The following HFM1 variants were observed in gnomAD, a reference collection of about 807,000 sequenced individuals.
The protein encoded by HFM1 is helicase for meiosis 1, also known as probable ATP-dependent DNA helicase HFM1.
A neutral mutation model predicts 192.1 loss-of-function variants in HFM1; 169 were observed. That is an observed-to-expected ratio of 0.88 (90% confidence interval 0.78 to 1.00). The LOEUF is 1.00. HFM1 is among the 50% of genes least tolerant of loss of function. HFM1 has a pLI of 0.00. For synonymous variants in HFM1, 525 were observed against 537.8 expected, an observed-to-expected ratio of 0.98 and a Z score of 0.33; for missense variants, 1,661 against 1,668.0, an observed-to-expected ratio of 1.00 and a Z score of 0.07.
At chr1:91,329,789 C>G (rs1653530515) in intron 20 of HFM1, among the ~76,000 whole-genome samples, 1 of 152,144 alleles carries the variant, frequency 6.6e-6, no homozygotes. Flanking sequence ...TCCATTGTTA[C>G]ATGAAAGTGA....
At chr1:91,385,866 T>C (rs1662141529) in intron 4 of HFM1, 32 bp from the exon 5 acceptor site, 1 of 1,563,968 alleles carries the variant, frequency 6.4e-7, no homozygotes, top group South Asian at 1.2e-5. Flanking sequence ...ACATATTTTC[T>C]CACGTGTAAC....
intron 30 of HFM1, among the ~76,000 whole-genome samples, chr1:91,290,964 C>T (rs138740300): frequency 2.6e-5 from 4 of 152,134 alleles, no homozygotes; most frequent in South Asian, 2.1e-4. Context: ...GGGTACATAA[C>T]GAAATGAAGG....
chr1:91,378,386 G>A lies in HFM1; in HGVS notation c.1236+17C>T. 1.3e-6 allele frequency: 2 copies of A among 1,550,770 alleles called. No homozygotes were observed. The highest frequency in any genetic ancestry group is 1.8e-6 in the Non-Finnish European group (2 of 1,127,808). Reference sequence around the variant, plus strand: ...TATCCTTTTATGTTTATCTCTGAAAGCGAATGCATTCATTACCTCATCAAT... The same window carrying A: ...TATCCTTTTATGTTTATCTCTGAAAACGAATGCATTCATTACCTCATCAAT... On this transcript the variant is annotated intron_variant, in intron 10 of 38. Coordinates refer to ENST00000370425, the MANE Select transcript of HFM1 (RefSeq NM_001017975.6).
At chr1:91,307,924 G>C (rs895479056) in intron 30 of HFM1, among the ~76,000 whole-genome samples, 5 of 151,990 alleles carry the variant, frequency 3.3e-5, no homozygotes, top group Non-Finnish European at 7.4e-5. Context: ...GTAGCATTTT[G>C]AATATGACAT....
intron 20 of HFM1, chr1:91,329,642 C>T: frequency 3.0e-6 from 2 of 673,268 alleles, no homozygotes; most frequent in South Asian, 2.1e-5. Flanking sequence ...CTAGCGTGAC[C>T]CTTTTCAGTA....
chr1:91,318,466 A>C (rs1651585328), intron 25 of HFM1, among the ~76,000 whole-genome samples: 1 of 152,214 alleles, frequency 6.6e-6, no homozygotes, highest in African/African-American at 2.4e-5. Flanking sequence ...TAGCTATCTA[A>C]GAAAGAATAG....
At chr1:91,298,218 CGAGAA>C (rs1157051015) in intron 30 of HFM1, among the ~76,000 whole-genome samples, 3 of 151,812 alleles carry the variant, frequency 2.0e-5, no homozygotes, top group Non-Finnish European at 4.4e-5. Flanking sequence ...TGAAATGAAG[CGAGAA>C]GAGAAGTTTA....
At position 91,286,903 on chromosome 1, in the gene HFM1, G is replaced by A. The variant is rs1041437256; in HGVS notation, c.3392-9841C>T. On this transcript the variant is annotated intron_variant, in intron 30 of 38. Coordinates refer to ENST00000370425, the MANE Select transcript of HFM1 (RefSeq NM_001017975.6). ...CTAGTCAAAGAAAGGGGTGACAGAC[G>A]GCACCTGGAAAATTGGGTCACTCCC... Among the ~76,000 whole-genome samples, 5 of 152,268 alleles carry A rather than the reference G, an allele frequency of 3.3e-5. No homozygotes were observed. In the East Asian group the frequency reaches 5.8e-4, roughly 18 times the overall value.
chr1:91,295,775 T>C (rs1647455809), intron 30 of HFM1, among the ~76,000 whole-genome samples: 2 of 152,200 alleles, frequency 1.3e-5, no homozygotes, highest in Non-Finnish European at 2.9e-5. Context: ...GAAAGTTTTG[T>C]GCCCTGTTTT....
chr1:91,384,537 T>C (rs1661938891), intron 6 of HFM1, among the ~76,000 whole-genome samples: 2 of 152,136 alleles, frequency 1.3e-5, no homozygotes, highest in East Asian at 1.9e-4. Context: ...TTCTCATCCA[T>C]TTCCCCTACC....
intron 30 of HFM1, among the ~76,000 whole-genome samples, chr1:91,295,627 G>T (rs1357621847): frequency 6.6e-6 from 1 of 152,088 alleles, no homozygotes; most frequent in African/African-American, 2.4e-5. Context: ...ACACAATTCA[G>T]CCCATAACAG....
At chr1:91,365,968 GA>G (rs11329587) in intron 13 of HFM1, among the ~76,000 whole-genome samples, 92,347 of 124,642 alleles carry the variant, frequency 0.74, 33,432 homozygotes, top group African/African-American at 0.89. Context: ...GTATGTTCCT[GA>G]AAAAAAAAAA....
At chr1:91,375,265 A>T in intron 13 of HFM1, 93 bp downstream of exon 13, 1 of 792,600 alleles carries the variant, frequency 1.3e-6, no homozygotes, top group East Asian at 2.5e-5. Context: ...ACTGAGGTTT[A>T]CCCCAAGGTT....
intron 20 of HFM1, among the ~76,000 whole-genome samples, chr1:91,331,692 T>G (rs1485053706): frequency 3.9e-5 from 6 of 152,180 alleles, no homozygotes; most frequent in African/African-American, 4.8e-5. Context: ...GGTCAGGAGT[T>G]TGAGACTAGC....
At chr1:91,290,507 T>C (rs1668620420) in intron 30 of HFM1, among the ~76,000 whole-genome samples, 1 of 152,196 alleles carries the variant, frequency 6.6e-6, no homozygotes, top group South Asian at 2.1e-4. Flanking sequence ...CTAACTATCC[T>C]AAATATATAT....
chr1:91,378,279 A>C lies in HFM1; in HGVS notation c.1237-96T>G, dbSNP rs183439113. The C allele has an allele frequency of 4.7e-6, 6 of 1,278,098 alleles. No homozygotes were observed. In the East Asian group the frequency reaches 1.5e-4, roughly 32 times the overall value. 79.2% of individuals were successfully genotyped at this position (1,278,098 alleles called of 1,614,324 possible). A position where few individuals can be genotyped will look rare whatever the true frequency, so the allele number is the denominator to read the frequency against. On this transcript the variant is annotated intron_variant, in intron 10 of 38. Transcript: ENST00000370425. ...ATAATATTAACATTCTTGCTTGAGA[A>C]AATGAGCATTTTCCACTTGAAGGGA... is the stretch of plus-strand genomic sequence containing the variant.
chr1:91,404,337 C>G (rs1238756733), intron 1 of HFM1, among the ~76,000 whole-genome samples: 1 of 152,220 alleles, frequency 6.6e-6, no homozygotes, highest in Non-Finnish European at 1.5e-5. Flanking sequence ...GGCACAAGAA[C>G]GGGGCGCTGG....
At chr1:91,377,150 G>A (rs979497563) in intron 11 of HFM1, among the ~76,000 whole-genome samples, 4 of 151,720 alleles carry the variant, frequency 2.6e-5, no homozygotes, top group Non-Finnish European at 5.9e-5. Context: ...AAAAAAGTAT[G>A]TACATTATGC....
chr1:91,320,889 A>G (rs1029678274), intron 23 of HFM1, among the ~76,000 whole-genome samples: 1 of 152,234 alleles, frequency 6.6e-6, no homozygotes, highest in Admixed American at 6.5e-5. Flanking sequence ...ACCCAGGGTT[A>G]GTAAAAGAAT....
Sources: allele counts gnomAD v4.1 joint callset (sites outside exome capture counted in the v4.1 genomes callset), GRCh38; gene constraint gnomAD v4.1.1; transcripts MANE v1.5; gene names NCBI Gene and HGNC (gene_info 2026-07-23, HGNC 2026-07-21).